PCDHA2: variants seen among roughly 807,000 people sequenced by gnomAD.
The protein encoded by PCDHA2 is protocadherin alpha-2.
PCDHA2 carries 58 observed loss-of-function variants against 66.0 expected under a neutral mutation model. That is an observed-to-expected ratio of 0.88 (90% CI 0.71 to 1.09). The LOEUF is 1.09. Among genes scored for constraint, PCDHA2 ranks in the 50% least tolerant of loss-of-function variants. The pLI is 0.00. For synonymous variants in PCDHA2, 634 were observed against 554.0 expected (o/e 1.14, Z -2.03); for missense variants, 1,267 against 1,242.3 (o/e 1.02, Z -0.30).
At position 140,916,615 on chromosome 5, in the gene PCDHA2, T is replaced by C. The variant is rs191815089; in HGVS notation, c.2389-62334T>C. Among the ~76,000 whole-genome samples the C allele has an allele frequency of 2.6e-5, 4 of 152,270 alleles. No homozygotes were observed. In the East Asian group the frequency reaches 5.8e-4, roughly 22 times the overall value. On this transcript the variant is annotated intron_variant, in intron 1 of 3. Transcript: ENST00000526136. ...GGGCCTGGAATGCGGGCCTCATGAC[T>C]CTACTCAATGCCCTATCCTACTGTG...
Position 140,968,830 on chromosome 5 carries a change from C to T in PCDHA2, c.2389-10119C>T, listed in dbSNP as rs782771762. On this transcript the variant is annotated intron_variant, in intron 1 of 3. Coordinates refer to ENST00000526136, the MANE Select transcript of PCDHA2 (RefSeq NM_018905.3). The stretch of plus-strand genomic sequence containing the variant: ...TGGTGGATAGGGTTTCCAAAATCCT[C>T]CCTGACACTCAGAGGCATGTTAAGA... 48 of 1,614,080 alleles carry T rather than the reference C, an allele frequency of 3.0e-5. No homozygotes were observed. The Admixed American group carries it at 8.0e-4, about 27-fold the overall frequency.
chr5:140,938,295 A>G (rs1458865676), intron 1 of PCDHA2, among the ~76,000 whole-genome samples: 1 of 152,190 alleles, frequency 6.6e-6, no homozygotes, highest in Non-Finnish European at 1.5e-5. Context: ...GTCATTGCCT[A>G]TGAAATTCAG....
intron 1 of PCDHA2, chr5:140,968,380 C>T: frequency 6.2e-7 from 1 of 1,614,072 alleles, no homozygotes; most frequent in Non-Finnish European, 8.5e-7. Context: ...ACTCCTTTGA[C>T]TATGAGAAGT....
chr5:140,902,465 T>C (rs535908878), intron 1 of PCDHA2, among the ~76,000 whole-genome samples: 4 of 152,280 alleles, frequency 2.6e-5, no homozygotes, highest in Non-Finnish European at 4.4e-5. Flanking sequence ...AGAAAAGGCT[T>C]TGAGTTTTTG....
chr5:140,802,899 C>T (rs782451626), intron 1 of PCDHA2: 4 of 1,613,792 alleles, frequency 2.5e-6, no homozygotes, highest in South Asian at 1.1e-5. Flanking sequence ...ACTGCTGATG[C>T]CTCGGGTGGG....
chr5:140,801,584 C>A, intron 1 of PCDHA2: 10 of 1,614,200 alleles, frequency 6.2e-6, no homozygotes, highest in Non-Finnish European at 8.5e-6. Flanking sequence ...TTAATGACAA[C>A]GCGCCAGTTT....
intron 1 of PCDHA2, chr5:140,842,500 C>T: frequency 1.9e-6 from 3 of 1,613,834 alleles, no homozygotes; most frequent in Middle Eastern, 1.6e-4. Context: ...TGCCCCATGT[C>T]CCCTTCAAGC....
chr5:140,852,081 T>C (rs2042233455), intron 1 of PCDHA2: 1 of 899,702 alleles, frequency 1.1e-6, no homozygotes, highest in Non-Finnish European at 1.4e-6. Context: ...AGCTATTTTA[T>C]TTAATATTGT....
chr5:140,828,007 A>G, intron 1 of PCDHA2: 1 of 1,504,268 alleles, frequency 6.6e-7, no homozygotes, highest in Non-Finnish European at 8.9e-7. Flanking sequence ...ACGCAGAAGA[A>G]ATGGATTAAT....
chr5:140,893,530 A>G (rs2064036357), intron 1 of PCDHA2, among the ~76,000 whole-genome samples: 1 of 152,056 alleles, frequency 6.6e-6, no homozygotes, highest in South Asian at 2.1e-4. Context: ...TCCTTTAAGT[A>G]TTTCTTGTAG....
intron 1 of PCDHA2, chr5:140,843,171 G>A: frequency 6.3e-7 from 1 of 1,596,072 alleles, no homozygotes; most frequent in Non-Finnish European, 8.6e-7. Context: ...GCTGCAAGCA[G>A]CCCTCGCATC....
At chr5:140,875,450 C>T (rs199938092) in intron 1 of PCDHA2, 2 of 1,590,620 alleles carry the variant, frequency 1.3e-6, no homozygotes, top group African/African-American at 1.3e-5. Flanking sequence ...ATTGTCCCAA[C>T]TCAGAGGCCC....
At chr5:140,801,325 C>A (rs1554121393) in intron 1 of PCDHA2, 1 of 1,613,256 alleles carries the variant, frequency 6.2e-7, no homozygotes, top group Admixed American at 1.7e-5. Flanking sequence ...AAGCATGGCA[C>A]CTTCGTGGGC....
intron 1 of PCDHA2, chr5:140,882,195 T>C: frequency 1.3e-6 from 2 of 1,521,122 alleles, no homozygotes; most frequent in Non-Finnish European, 8.8e-7. Flanking sequence ...GCCATAAAAA[T>C]TGGGCCTTGA....
At chr5:140,850,732 G>C (rs1320738084) in intron 1 of PCDHA2, 1 of 1,597,956 alleles carries the variant, frequency 6.3e-7, no homozygotes, top group Non-Finnish European at 8.6e-7. Flanking sequence ...AGCGCGGTGG[G>C]GAGTTGGTCG....
In PCDHA2 at chr5:140,946,611, A is replaced by AATATATATATATAT. The variant is rs1554217734; in HGVS notation, c.2389-32330_2389-32317dup. Among the ~76,000 whole-genome samples the AATATATATATATAT allele has an allele frequency of 6.8e-3, 593 of 86,748 alleles. 22 individuals are homozygous for AATATATATATATAT. Among genetic ancestry groups the AATATATATATATAT allele is most frequent in the African/African-American group, 0.021 (323 of 15,664 alleles). The allele number at this position is 86,748 out of a possible 152,430, so 56.9% of individuals were successfully genotyped here. A position where few individuals can be genotyped will look rare whatever the true frequency, so the allele number is the denominator to read the frequency against. On this transcript the variant is annotated intron_variant, in intron 1 of 3. Coordinates refer to ENST00000526136, the MANE Select transcript of PCDHA2 (RefSeq NM_018905.3). ...GGATGAATAGATAAAGAAAATGTGA[A>AATATATATATATAT]ATATATATATATATATATATACAAT... is the stretch of plus-strand genomic sequence containing the variant.
intron 1 of PCDHA2, chr5:140,829,486 G>A (rs1305629436): frequency 1.9e-6 from 3 of 1,613,648 alleles, no homozygotes; most frequent in Non-Finnish European, 2.5e-6. Flanking sequence ...TGTTCGTGAA[G>A]GAGAACAACC....
At chr5:140,978,835 A>G in intron 1 of PCDHA2, 114 bp from the exon 2 acceptor site, 2 of 1,550,342 alleles carry the variant, frequency 1.3e-6, no homozygotes, top group Non-Finnish European at 1.7e-6. Flanking sequence ...TGGCTCATTC[A>G]ATACTTTTTT....
chr5:140,892,595 AT>A (rs1385818954), intron 1 of PCDHA2, among the ~76,000 whole-genome samples: 1 of 151,958 alleles, frequency 6.6e-6, no homozygotes, highest in African/African-American at 2.4e-5. Flanking sequence ...TCATTCACCT[AT>A]TTTTTTCCTT....
Sources: allele counts gnomAD v4.1 joint callset (sites outside exome capture counted in the v4.1 genomes callset), GRCh38; gene constraint gnomAD v4.1.1; transcripts MANE v1.5; gene names NCBI Gene and HGNC (gene_info 2026-07-23, HGNC 2026-07-21).